The following MYRFL variants were observed in gnomAD, a reference collection of about 807,000 sequenced individuals.
The protein encoded by MYRFL is myelin regulatory factor-like protein.
MYRFL carries 88 observed loss-of-function variants against 109.4 expected under a neutral mutation model. That is an observed-to-expected ratio of 0.80 (90% confidence interval 0.68 to 0.96). MYRFL has a LOEUF of 0.96. Among genes scored for constraint, MYRFL ranks in the 40% least tolerant of loss-of-function variants. MYRFL has a pLI of 0.00. For missense variants in MYRFL, 957 were observed against 954.9 expected, an observed-to-expected ratio of 1.00 and a Z score of -0.03; for synonymous variants, 324 against 320.9, an observed-to-expected ratio of 1.01 and a Z score of -0.10.
intron 2 of MYRFL, among the ~76,000 whole-genome samples, chr12:69,877,927 G>A (rs1885787463): frequency 6.6e-6 from 1 of 152,096 alleles, no homozygotes; most frequent in Non-Finnish European, 1.5e-5. Flanking sequence ...TTCTTTAGTG[G>A]TAGTACACAT....
chr12:69,957,739 G>A, intron 22 of MYRFL, 83 bp from the exon 23 acceptor site: 1 of 1,426,192 alleles, frequency 7.0e-7, no homozygotes, highest in East Asian at 2.5e-5. Flanking sequence ...GTTCCCATTA[G>A]ATCCTCCTCT....
chr12:69,921,364 G>T (rs1954905048), intron 13 of MYRFL, among the ~76,000 whole-genome samples: 1 of 152,236 alleles, frequency 6.6e-6, no homozygotes, highest in South Asian at 2.1e-4. Flanking sequence ...GATTCTACAT[G>T]GGGTCCAGAC....
intron 6 of MYRFL, among the ~76,000 whole-genome samples, chr12:69,888,721 G>A (rs866868045): frequency 1.3e-5 from 2 of 152,144 alleles, no homozygotes; most frequent in Admixed American, 1.3e-4. Flanking sequence ...GTTTTTGACA[G>A]TGAAGCATAA....
At chr12:69,829,383 A>C (rs944276971) in intron 1 of MYRFL, among the ~76,000 whole-genome samples, 1 of 152,076 alleles carries the variant, frequency 6.6e-6, no homozygotes, top group Non-Finnish European at 1.5e-5. Flanking sequence ...TGTTCAGGAA[A>C]ATGGGGGAAA....
chr12:69,870,833 A>C (rs1261245038), intron 2 of MYRFL, among the ~76,000 whole-genome samples: 1 of 152,190 alleles, frequency 6.6e-6, no homozygotes, highest in African/African-American at 2.4e-5. Context: ...ACCAACACAT[A>C]TTCCTGTCAC....
intron 7 of MYRFL, among the ~76,000 whole-genome samples, chr12:69,891,617 T>TTC (rs2136338818): frequency 8.6e-6 from 1 of 116,614 alleles, no homozygotes; most frequent in African/African-American, 4.2e-5. Flanking sequence ...CTTTCTTTCT[T>TTC]TCTTTCCTCC....
chr12:69,890,936 T>C, intron 6 of MYRFL, 35 bp from the exon 7 acceptor site: 1 of 1,394,932 alleles, frequency 7.2e-7, no homozygotes, highest in Non-Finnish European at 9.3e-7. Flanking sequence ...ATGGAAACAT[T>C]TGTAAAACTG....
intron 1 of MYRFL, among the ~76,000 whole-genome samples, chr12:69,829,733 A>C (rs1882507261): frequency 6.6e-6 from 1 of 152,182 alleles, no homozygotes. Context: ...AGAATGCCTC[A>C]GATTCCATTA....
intron 11 of MYRFL, chr12:69,904,418 A>G (rs112735713): frequency 0.089 from 13,523 of 152,298 alleles, 867 homozygotes; most frequent in African/African-American, 0.18. Context: ...AGAGGCAGTT[A>G]CCTAGAGGAA....
intron 1 of MYRFL, among the ~76,000 whole-genome samples, chr12:69,849,942 G>T (rs1009171495): frequency 1.3e-5 from 2 of 152,166 alleles, no homozygotes; most frequent in Admixed American, 1.3e-4. Context: ...GATGTGGTTT[G>T]GCTCTGTGTC....
At chr12:69,843,415 C>A (rs1384216032) in intron 1 of MYRFL, among the ~76,000 whole-genome samples, 1 of 152,062 alleles carries the variant, frequency 6.6e-6, no homozygotes, top group Non-Finnish European at 1.5e-5. Flanking sequence ...CTGTGTGCAC[C>A]AAGTGTGAAA....
At chr12:69,913,096 G>A (rs1954623270) in intron 13 of MYRFL, among the ~76,000 whole-genome samples, 1 of 151,914 alleles carries the variant, frequency 6.6e-6, no homozygotes, top group Non-Finnish European at 1.5e-5. Flanking sequence ...TATTGTTCAT[G>A]TATATATCTT....
chr12:69,898,306 A>T (rs1377645338), intron 10 of MYRFL, among the ~76,000 whole-genome samples: 1 of 152,244 alleles, frequency 6.6e-6, no homozygotes, highest in Non-Finnish European at 1.5e-5. Context: ...ACTATGTCTC[A>T]ACGTTGTAAT....
chr12:69,869,295 A>G (rs1049204889), intron 2 of MYRFL, among the ~76,000 whole-genome samples: 3 of 152,124 alleles, frequency 2.0e-5, no homozygotes, highest in African/African-American at 7.2e-5. Flanking sequence ...TAGGCTTAGT[A>G]TTGTTTTCAA....
chr12:69,851,799 C>A (rs1417257604), intron 1 of MYRFL, among the ~76,000 whole-genome samples: 1 of 152,048 alleles, frequency 6.6e-6, no homozygotes, highest in African/African-American at 2.4e-5. Flanking sequence ...TCTGGGACTA[C>A]AGACACACAC....
chr12:69,886,210 C>G (rs2083173625), intron 5 of MYRFL, among the ~76,000 whole-genome samples: 1 of 152,128 alleles, frequency 6.6e-6, no homozygotes, highest in South Asian at 2.1e-4. Context: ...AGAATTGGGT[C>G]CCAGAACTCA....
intron 2 of MYRFL, among the ~76,000 whole-genome samples, chr12:69,876,620 A>G (rs1885680128): frequency 6.6e-6 from 1 of 152,156 alleles, no homozygotes; most frequent in Non-Finnish European, 1.5e-5. Flanking sequence ...TGTGCAAACC[A>G]TTGTTCTCAT....
chr12:69,917,725 C>G (rs531024482), intron 13 of MYRFL, among the ~76,000 whole-genome samples: 5 of 152,176 alleles, frequency 3.3e-5, no homozygotes, highest in African/African-American at 9.6e-5. Context: ...AGTACAGTAT[C>G]TGATACATTG....
intron 21 of MYRFL, among the ~76,000 whole-genome samples, chr12:69,953,212 A>G (rs1390498531): frequency 2.0e-5 from 3 of 152,230 alleles, no homozygotes; most frequent in Non-Finnish European, 4.4e-5. Flanking sequence ...AATTTTATAG[A>G]CAAGAAAGAC....
Sources: gnomAD v4.1 joint callset for allele counts (sites outside exome capture counted in the v4.1 genomes callset) on GRCh38, gnomAD v4.1.1 for gene constraint, MANE v1.5 for transcripts, NCBI Gene and HGNC (gene_info 2026-07-23, HGNC 2026-07-21) for gene names.